GSDMC: variants seen among roughly 807,000 people sequenced by gnomAD.
The protein encoded by GSDMC is gasdermin-C.
A neutral mutation model predicts 58.0 loss-of-function variants in GSDMC; 59 were observed. The observed-to-expected ratio is 1.02, with a 90% CI of 0.82 to 1.26. GSDMC has a LOEUF of 1.26. Among genes scored for constraint, GSDMC ranks in the 50% most tolerant of loss-of-function variants. The pLI, the probability that GSDMC is intolerant of heterozygous loss-of-function variation, is 0.00. For missense variants in GSDMC, 659 were observed against 598.5 expected (o/e 1.10, Z -1.06); for synonymous variants, 241 against 220.2 (o/e 1.09, Z -0.83).
At chr8:129,749,879 A>G (rs2033103230) in intron 12 of GSDMC, 111 bp downstream of exon 12, 4 of 845,984 alleles carry the variant, frequency 4.7e-6, no homozygotes, top group Admixed American at 2.8e-5. Flanking sequence ...TGTAAGGACG[A>G]AAGATCATGG....
intron 3 of GSDMC, among the ~76,000 whole-genome samples, chr8:129,770,880 TAA>T (rs1284854329): frequency 6.6e-6 from 1 of 151,850 alleles, no homozygotes; most frequent in Non-Finnish European, 1.5e-5. Context: ...ACCTGCTGCC[TAA>T]AAGAGATTCA....
At chr8:129,735,274 A>C in the GSDMC span, among the ~76,000 whole-genome samples, 49,290 of 152,032 alleles carry the variant, frequency 0.32, 11,578 homozygotes, top group African/African-American at 0.65. Context: ...AAGGATATCC[A>C]GGACTTGAAC....
chr8:129,732,721 G>A, the GSDMC span, among the ~76,000 whole-genome samples: 2 of 152,220 alleles, frequency 1.3e-5, no homozygotes, highest in Admixed American at 1.3e-4. Context: ...AACAGCACCG[G>A]TCTGCAGTTC....
At chr8:129,717,289 T>C in the GSDMC span, among the ~76,000 whole-genome samples, 6 of 147,586 alleles carry the variant, frequency 4.1e-5, no homozygotes, top group African/African-American at 1.5e-4. Context: ...AGGCTATTAA[T>C]TACTGCCTCA....
intron 4 of GSDMC, among the ~76,000 whole-genome samples, chr8:129,764,823 A>C (rs192530112): frequency 6.6e-6 from 1 of 152,340 alleles, no homozygotes; most frequent in East Asian, 1.9e-4. Flanking sequence ...CTTCAGAGGT[A>C]GCTAGTGCCT....
chr8:129,778,739 A>G (rs2034321263), intron 1 of GSDMC, among the ~76,000 whole-genome samples: 2 of 148,844 alleles, frequency 1.3e-5, no homozygotes, highest in East Asian at 2.0e-4. Context: ...TCCAGCATCT[A>G]TAAGGAACTT....
chr8:129,761,044 A>G (rs2033640220), intron 5 of GSDMC, among the ~76,000 whole-genome samples: 2 of 152,154 alleles, frequency 1.3e-5, no homozygotes, highest in Admixed American at 6.5e-5. Flanking sequence ...AAGGGTTGAA[A>G]AGTGTGAACT....
At chr8:129,773,379 T>C (rs964704574) in intron 3 of GSDMC, among the ~76,000 whole-genome samples, 11 of 152,200 alleles carry the variant, frequency 7.2e-5, no homozygotes, top group African/African-American at 2.4e-4. Flanking sequence ...TCCTAAAAAC[T>C]TCATTTAAAA....
intron 7 of GSDMC, 81 bp downstream of exon 7, chr8:129,752,617 A>G (rs2033255023): frequency 6.4e-7 from 1 of 1,557,054 alleles, no homozygotes; most frequent in Non-Finnish European, 8.7e-7. Flanking sequence ...TACACCCCAC[A>G]TAAACACCAA....
rs540095766 is a variant in GSDMC at position 129,781,609 on chromosome 8, G to A, written c.-4-4018C>T. Among the ~76,000 whole-genome samples the A allele has an allele frequency of 2.0e-5, 3 of 152,280 alleles. No homozygotes were observed. In the South Asian group the frequency reaches 6.2e-4, roughly 32 times the overall value. ...AACACAAAAAAATTAGCCAGGCGTG[G>A]TGGTGGGCACCTGTAGTCCCAGTTA... is the stretch of plus-strand genomic sequence containing the variant. On this transcript the variant is annotated intron_variant, in intron 1 of 13. Coordinates refer to ENST00000276708, the MANE Select transcript of GSDMC (RefSeq NM_031415.3).
chr8:129,741,012 T>TA, the GSDMC span, among the ~76,000 whole-genome samples: 4 of 151,486 alleles, frequency 2.6e-5, no homozygotes, highest in Admixed American at 6.6e-5. Flanking sequence ...TTTGAATTGA[T>TA]TTTTTTTTAT....
chr8:129,743,042 T>C, the GSDMC span, among the ~76,000 whole-genome samples: 1 of 152,186 alleles, frequency 6.6e-6, no homozygotes, highest in Non-Finnish European at 1.5e-5. Flanking sequence ...AAGTTATCCC[T>C]TTATCATTGG....
At chr8:129,778,176 G>T (rs570015529) in intron 1 of GSDMC, among the ~76,000 whole-genome samples, 7 of 152,186 alleles carry the variant, frequency 4.6e-5, no homozygotes, top group Admixed American at 2.0e-4. Flanking sequence ...ATGTAGAGGA[G>T]GCAGGGCATA....
chr8:129,735,564 A>C, the GSDMC span, among the ~76,000 whole-genome samples: 1 of 152,180 alleles, frequency 6.6e-6, no homozygotes, highest in Non-Finnish European at 1.5e-5. Flanking sequence ...CTACTGGGTA[A>C]ACAACAAAAT....
rs373460186 is a variant in GSDMC, at chr8:129,752,701, G to T, written c.841C>A (p.Pro281Thr). ...NASSNDMKLK[P>T]ELFLTQQFLS... is the part of the protein sequence containing the mutation. The stretch of plus-strand genomic sequence containing the variant: ...ATAAAGTGAGCAATCACAGTACCTG[G>T]TTTTAACTTCATATCATTGGATGAG... Residue 281 changes from proline (P) to threonine (T), a missense_variant, in exon 7 of 14, where the codon CCA (proline) becomes ACA (threonine). By Grantham distance (38) the Pro-to-Thr change is conservative (BLOSUM62 -1). Coordinates refer to ENST00000276708, the MANE Select transcript of GSDMC (RefSeq NM_031415.3). 2 of 1,614,158 alleles carry T rather than the reference G, an allele frequency of 1.2e-6. No individual in the cohort carries two copies. Among genetic ancestry groups the T allele is most frequent in the East Asian group, 2.2e-5 (1 of 44,886 alleles).
intron 3 of GSDMC, among the ~76,000 whole-genome samples, chr8:129,769,106 G>C (rs542515365): frequency 6.6e-6 from 1 of 151,900 alleles, no homozygotes; most frequent in Non-Finnish European, 1.5e-5. Context: ...GGAGAGGAGA[G>C]GAGAGGAGAG....
At chr8:129,714,150 A>G in the GSDMC span, among the ~76,000 whole-genome samples, 2 of 152,080 alleles carry the variant, frequency 1.3e-5, no homozygotes, top group South Asian at 2.1e-4. Context: ...TCCATTTTAC[A>G]TCTTTTCAAG....
At chr8:129,773,309 A>T (rs2034118860) in intron 3 of GSDMC, among the ~76,000 whole-genome samples, 1 of 152,234 alleles carries the variant, frequency 6.6e-6, no homozygotes, top group South Asian at 2.1e-4. Flanking sequence ...AAGGAGCCTA[A>T]TAGGAAAGAA....
the GSDMC span, among the ~76,000 whole-genome samples, chr8:129,723,546 A>G: frequency 0.66 from 100,566 of 151,496 alleles, 35,487 homozygotes; most frequent in African/African-American, 0.91. Context: ...GATTACAGGC[A>G]TGAGCCACCG....
Sources: gnomAD v4.1 joint callset for allele counts (sites outside exome capture counted in the v4.1 genomes callset) on GRCh38, gnomAD v4.1.1 for gene constraint, MANE v1.5 for transcripts, NCBI Gene and HGNC (gene_info 2026-07-23, HGNC 2026-07-21) for gene names.